Variants in PCDHGA7 observed in about 807,000 individuals in gnomAD.
PCDHGA7 encodes protocadherin gamma subfamily A, 7.
In PCDHGA7, 44 loss-of-function variants were observed where a neutral mutation model predicts 58.3. The observed-to-expected ratio is 0.75, with a 90% CI of 0.59 to 0.97. The LOEUF is 0.97. Ranked by LOEUF, PCDHGA7 falls within the 50% of genes least tolerant of loss-of-function variation. The probability of loss-of-function intolerance (pLI) is 0.00; values close to 1 mark genes in which losing one functional copy is unlikely to be tolerated. For missense variants in PCDHGA7, 1,266 were observed against 1,188.7 expected (o/e 1.06, Z -0.96); for synonymous variants, 516 against 504.2 (o/e 1.02, Z -0.31).
rs2092149511 is a variant in PCDHGA7 at position 141,390,449 on chromosome 5, G to A, written c.2424+5126G>A. The A allele has an allele frequency of 4.8e-6, 4 of 829,790 alleles. No individual in the cohort carries two copies. In the Admixed American group the frequency reaches 8.7e-5, roughly 18 times the overall value. 51.4% of individuals were successfully genotyped at this position (829,790 alleles called of 1,614,324 possible). ...TGTCATATCATTCTACAAAGGAGGAGTAAAGTAGGAGCAATTGTGTGGCCC... is the reference window on the plus strand; with the variant it reads ...TGTCATATCATTCTACAAAGGAGGAATAAAGTAGGAGCAATTGTGTGGCCC... On this transcript the variant is annotated intron_variant, in intron 1 of 3. Coordinates refer to ENST00000518325, the MANE Select transcript of PCDHGA7 (RefSeq NM_018920.4).
Position 141,383,385 on chromosome 5 carries a change from G to A in PCDHGA7, c.486G>A (p.Val162=). 1.2e-6 allele frequency: 2 copies of A among 1,613,962 alleles called. No individual in the cohort carries two copies. The highest frequency in any genetic ancestry group is 2.2e-5 in the South Asian group (2 of 91,076). The change falls in exon 1 of 4, where the codon GTG becomes GTA. Residue 162 remains valine (V), a synonymous_variant. Transcript: ENST00000518325. Reference sequence around the variant, plus strand: ...TAAGCGAGGCTGGGGATCCAGATGTGGGCACGAACTCCCTCCAGAGTTACC... The same window carrying A: ...TAAGCGAGGCTGGGGATCCAGATGTAGGCACGAACTCCCTCCAGAGTTACC... ...FPLSEAGDPD[V]GTNSLQSYQL...
chr5:141,405,391 T>A, intron 1 of PCDHGA7: 1 of 1,595,892 alleles, frequency 6.3e-7, no homozygotes, highest in Non-Finnish European at 8.5e-7. Flanking sequence ...GTTCATTTTT[T>A]TTCTTTCTTT....
At chr5:141,405,093 T>C in intron 1 of PCDHGA7, 1 of 1,613,946 alleles carries the variant, frequency 6.2e-7, no homozygotes, top group Non-Finnish European at 8.5e-7. Flanking sequence ...CTGCTGGCCC[T>C]CAGGCTGAGG....
Position 141,501,940 on chromosome 5 carries a change from C to T in PCDHGA7, c.2484-3453C>T, listed in dbSNP as rs565207980. Among the ~76,000 whole-genome samples the T allele has an allele frequency of 2.6e-5, 4 of 152,250 alleles. No individual in the cohort carries two copies. In the East Asian group the frequency reaches 7.7e-4, roughly 29 times the overall value. On this transcript the variant is annotated intron_variant, in intron 2 of 3. Transcript: ENST00000518325. ...CAGCTTTGTTCCCTCAACACCACTG[C>T]TCCCTGTGACAGGTCATCCTCCTAA...
At chr5:141,389,855 G>GAGAGC (rs2091946783) in intron 1 of PCDHGA7, 1 of 1,613,942 alleles carries the variant, frequency 6.2e-7, no homozygotes, top group Non-Finnish European at 8.5e-7. Flanking sequence ...CCACTGCCAC[G>GAGAGC]TTGCACCTGG....
chr5:141,459,580 G>C (rs1364413383), intron 1 of PCDHGA7, among the ~76,000 whole-genome samples: 1 of 152,118 alleles, frequency 6.6e-6, no homozygotes, highest in Non-Finnish European at 1.5e-5. Flanking sequence ...GAATTGTTTT[G>C]GGGGTCATAT....
At position 141,383,863 on chromosome 5, in the gene PCDHGA7, C is replaced by G. The variant is rs768251798; in HGVS notation, c.964C>G (p.Gln322Glu). Reference protein sequence around the residue: ...TAFYEMEVQAQDGPGSLTKAK... With the variant: ...TAFYEMEVQAEDGPGSLTKAK... ...CTTCTATGAAATGGAGGTTCAGGCT[C>G]AAGATGGTCCTGGTAGTCTGACAAA... Residue 322 changes from glutamine to glutamate, a missense_variant, in exon 1 of 4, where the codon CAA (glutamine) becomes GAA (glutamate). Coordinates refer to ENST00000518325, the MANE Select transcript of PCDHGA7 (RefSeq NM_018920.4). 4.3e-6 allele frequency: 7 copies of G among 1,613,772 alleles called. No homozygotes were observed. Among genetic ancestry groups the G allele is most frequent in the African/African-American group, 2.7e-5 (2 of 74,914 alleles).
Position 141,477,383 on chromosome 5 carries a change from T to A in PCDHGA7, c.2425-17424T>A. 6.2e-7 allele frequency: 1 copy of A among 1,614,102 alleles called. No homozygotes were observed. Among genetic ancestry groups the A allele is most frequent in the Non-Finnish European group, 8.5e-7 (1 of 1,180,006 alleles). On this transcript the variant is annotated intron_variant, in intron 1 of 3. Transcript: ENST00000518325. This position sits in a 1 kb window ranked among gnomAD's most constrained non-coding sequence, Gnocchi z 4.9. Reference sequence around the variant, plus strand: ...CCTGGATCGGGAGACTGTGCCAGAATACAACCTCAGCATCACCGCCCGAGA... The same window carrying A: ...CCTGGATCGGGAGACTGTGCCAGAAAACAACCTCAGCATCACCGCCCGAGA...
chr5:141,478,489 C>T (rs779457709), intron 1 of PCDHGA7: 99 of 1,613,162 alleles, frequency 6.1e-5, no homozygotes, highest in Non-Finnish European at 8.1e-5. Context: ...CGCTGCGGAG[C>T]TGTGATCCGG....
At chr5:141,393,721 T>C (rs769235037) in intron 1 of PCDHGA7, 26 of 1,613,752 alleles carry the variant, frequency 1.6e-5, no homozygotes, top group African/African-American at 8.0e-5. Context: ...GAAATATCAA[T>C]AGCAAAAAGT....
chr5:141,395,515 C>A, intron 1 of PCDHGA7: 1 of 407,332 alleles, frequency 2.5e-6, no homozygotes, highest in Non-Finnish European at 4.4e-6. Flanking sequence ...AGTAGCTACC[C>A]GTCCATACTG....
chr5:141,413,283 C>G (rs377443382), intron 1 of PCDHGA7: 1 of 1,613,966 alleles, frequency 6.2e-7, no homozygotes, highest in Admixed American at 1.7e-5. Context: ...GGCAGATCTC[C>G]TACTCAATTC....
chr5:141,506,447 A>G (rs1405495926), intron 3 of PCDHGA7, among the ~76,000 whole-genome samples: 3 of 146,906 alleles, frequency 2.0e-5, no homozygotes, highest in Non-Finnish European at 3.0e-5. Flanking sequence ...TCTGTCTCAA[A>G]AAAAAAAAAA....
chr5:141,390,276 C>G (rs1475873829), intron 1 of PCDHGA7: 5 of 1,613,990 alleles, frequency 3.1e-6, no homozygotes, highest in Non-Finnish European at 4.2e-6. Context: ...ATTGACTTCC[C>G]ATCAGGTGAG....
Position 141,384,901 on chromosome 5 carries a change from A to G in PCDHGA7, c.2002A>G (p.Ile668Val). The change falls in exon 1 of 4, where the codon ATC (isoleucine) becomes GTC (valine). Residue 668 changes from isoleucine (I) to valine (V), a missense_variant. Transcript: ENST00000518325. ...ACTCACCGTGGCTGTGGCTGACAGCATCCCCGAAGTCTTGGCCGACCTGGG... is the reference window on the plus strand; with the variant it reads ...ACTCACCGTGGCTGTGGCTGACAGCGTCCCCGAAGTCTTGGCCGACCTGGG... ...VTLTVAVADS[I>V]PEVLADLGSL... 1 of 1,613,838 alleles carries G rather than the reference A, an allele frequency of 6.2e-7. No homozygotes were observed. Among genetic ancestry groups the G allele is most frequent in the South Asian group, 1.1e-5 (1 of 91,076 alleles).
At chr5:141,415,709 C>A in intron 1 of PCDHGA7, 1 of 1,092,276 alleles carries the variant, frequency 9.2e-7, no homozygotes, top group Non-Finnish European at 1.3e-6. Context: ...AATGCTAAAA[C>A]ACTGATGAGT....
chr5:141,442,317 A>T (rs1257883989), intron 1 of PCDHGA7: 2 of 152,400 alleles, frequency 1.3e-5, no homozygotes, highest in Admixed American at 6.5e-5. Context: ...ACGGATGTCT[A>T]TCCCGCGCTA....
At position 141,431,209 on chromosome 5, in the gene PCDHGA7, G is replaced by C; in HGVS notation, c.2424+45886G>C. Reference sequence around the variant, plus strand: ...TTAGTGAAAATGCAGCCACTGAGATGCGGTTCCCTCTACCCCACGCCTGGG... The same window carrying C: ...TTAGTGAAAATGCAGCCACTGAGATCCGGTTCCCTCTACCCCACGCCTGGG... On this transcript the variant is annotated intron_variant, in intron 1 of 3. Coordinates refer to ENST00000518325, the MANE Select transcript of PCDHGA7 (RefSeq NM_018920.4). The surrounding 1 kb of genome is among the most constrained non-coding windows in gnomAD (Gnocchi z 4.8). 6.2e-7 allele frequency: 1 copy of C among 1,614,190 alleles called. No homozygotes were observed. Among genetic ancestry groups the C allele is most frequent in the Non-Finnish European group, 8.5e-7 (1 of 1,180,038 alleles).
At chr5:141,456,148 C>T (rs1408257938) in intron 1 of PCDHGA7, among the ~76,000 whole-genome samples, 13 of 152,078 alleles carry the variant, frequency 8.5e-5, no homozygotes, top group African/African-American at 3.1e-4. Flanking sequence ...CCGCCCGCCT[C>T]GGCCTCCTAA....
Sources: allele counts gnomAD v4.1 joint callset (sites outside exome capture counted in the v4.1 genomes callset), GRCh38; gene constraint gnomAD v4.1.1; non-coding constraint Gnocchi (gnomAD v3.1); transcripts MANE v1.5; gene names NCBI Gene and HGNC (gene_info 2026-07-23, HGNC 2026-07-21).